Variants in MCM9 observed in about 807,000 individuals in gnomAD.
MCM9 encodes minichromosome maintenance 9 homologous recombination repair factor.
A neutral mutation model predicts 72.8 loss-of-function variants in MCM9; 55 were observed. The observed-to-expected ratio is 0.76, with a 90% CI of 0.61 to 0.95. The LOEUF (loss-of-function observed/expected upper bound fraction) is 0.95, where lower values mean the gene tolerates loss of function less well. MCM9 is among the 40% of genes least tolerant of loss of function. MCM9 has a pLI of 0.00. For missense variants in MCM9, 1,279 were observed against 1,377.0 expected, an observed-to-expected ratio of 0.93 and a Z score of 1.13; for synonymous variants, 480 against 503.4, an observed-to-expected ratio of 0.95 and a Z score of 0.62.
chr6:118,887,042 A>G (rs139573798), intron 8 of MCM9, among the ~76,000 whole-genome samples: 2,124 of 152,356 alleles, frequency 0.014, 42 homozygotes, highest in African/African-American at 0.049. Context: ...ATTGGAAGGC[A>G]GCATCATGAA....
chr6:118,885,847 GAC>G lies in MCM9; in HGVS notation c.1150+25801_1150+25802del, dbSNP rs555736385. Among the ~76,000 whole-genome samples, 993 of 152,064 alleles carry G rather than the reference GAC, an allele frequency of 6.5e-3. 7 individuals are homozygous for G. Among genetic ancestry groups the G allele is most frequent in the African/African-American group, 0.022 (924 of 41,482 alleles). On this transcript the variant is annotated intron_variant, in intron 8 of 13. Transcript: ENST00000619706. ...AGTATTGCCCACAGACCAAAAATCA[GAC>G]ACAGACATCACCAGAATACTAAAGA... is the stretch of plus-strand genomic sequence containing the variant.
intron 8 of MCM9, among the ~76,000 whole-genome samples, chr6:118,886,922 G>A (rs1583544439): frequency 6.6e-6 from 1 of 152,138 alleles, no homozygotes; most frequent in Non-Finnish European, 1.5e-5. Flanking sequence ...CTATCATTGT[G>A]CCACTGTGCT....
chr6:118,897,487 TTATAA>T (rs1211688896), intron 8 of MCM9, among the ~76,000 whole-genome samples: 1 of 152,110 alleles, frequency 6.6e-6, no homozygotes. Context: ...AATTGAATAC[TTATAA>T]TATACCAGAA....
At chr6:118,923,029 C>CAAAAAAAGAA (rs1781562175) in intron 4 of MCM9, among the ~76,000 whole-genome samples, 1 of 43,524 alleles carries the variant, frequency 2.3e-5, no homozygotes, top group Non-Finnish European at 5.1e-5. Context: ...AACTCCATCT[C>CAAAAAAAGAA]AAAAAAAAAA....
At position 118,835,763 on chromosome 6, in the gene MCM9, G is replaced by A. The variant is rs147600423; in HGVS notation, c.1326-6513C>T. 5.8e-3 allele frequency among the ~76,000 whole-genome samples: 882 copies of A among 152,244 alleles called. 5 individuals carry two copies. The highest frequency in any genetic ancestry group is 0.013 in the South Asian group (64 of 4,828). On this transcript the variant is annotated intron_variant, in intron 9 of 13. Coordinates refer to ENST00000619706, the MANE Select transcript of MCM9 (RefSeq NM_017696.3). ...AGGAGATTTTGGGTGAGACAATGGG[G>A]TTTTCCAAATATACAATCATGTCAT...
Position 118,815,810 on chromosome 6 carries a change from C to A in MCM9, c.2446G>T (p.Glu816Ter), listed in dbSNP as rs909043912. ...GCTAGCCTTTTTTTCTTGTTACTTT[C>A]CACATTGTCTGCCCTCCATGGAACA... ...TGVPWRADNV[E>*]SNKKKRLALD... The change falls in exon 14 of 14, where the codon GAA (glutamate) becomes TAA (stop). Residue 816 changes from glutamate to a stop codon, truncating the protein, a stop_gained. Coordinates refer to ENST00000619706, the MANE Select transcript of MCM9 (RefSeq NM_017696.3). LOFTEE classifies it low-confidence loss of function (END_TRUNC). The A allele has an allele frequency of 6.5e-7, 1 of 1,539,116 alleles. No individual in the cohort carries two copies. The highest frequency in any genetic ancestry group is 8.7e-7 in the Non-Finnish European group (1 of 1,147,026).
chr6:118,901,684 G>T (rs1779805965), intron 8 of MCM9, among the ~76,000 whole-genome samples: 1 of 152,194 alleles, frequency 6.6e-6, no homozygotes, highest in South Asian at 2.1e-4. Context: ...TTATTTATAA[G>T]GGAGATGTTT....
Position 118,829,036 on chromosome 6 carries a change from G to T in MCM9, c.1528+12C>A, listed in dbSNP as rs1774357651. On this transcript the variant is annotated intron_variant, in intron 10 of 13. Transcript: ENST00000619706. ...CTCTGTTATTTTGAATGCTTTGTTT[G>T]TCTTCACGTACCTTTATTTTCTAAG... 1 of 1,548,776 alleles carries T rather than the reference G, an allele frequency of 6.5e-7. No individual in the cohort carries two copies. The highest frequency in any genetic ancestry group is 2.0e-5 in the Admixed American group (1 of 50,954).
chr6:118,830,169 T>A (rs932812601), intron 9 of MCM9, among the ~76,000 whole-genome samples: 2 of 152,216 alleles, frequency 1.3e-5, no homozygotes, highest in African/African-American at 4.8e-5. Flanking sequence ...ACATATTCAT[T>A]GGCAATAACA....
intron 3 of MCM9, among the ~76,000 whole-genome samples, chr6:118,927,254 C>T (rs1054423082): frequency 1.3e-5 from 2 of 152,150 alleles, no homozygotes; most frequent in African/African-American, 2.4e-5. Flanking sequence ...TGACGTTATG[C>T]ATGATTGAAG....
chr6:118,860,994 G>A (rs1776864781), intron 8 of MCM9, among the ~76,000 whole-genome samples: 1 of 152,190 alleles, frequency 6.6e-6, no homozygotes, highest in South Asian at 2.1e-4. Flanking sequence ...CCAGCAGGCT[G>A]CGCTTGGCTC....
At chr6:118,864,890 T>C (rs911988565) in intron 8 of MCM9, among the ~76,000 whole-genome samples, 1 of 150,612 alleles carries the variant, frequency 6.6e-6, no homozygotes, top group Non-Finnish European at 1.5e-5. Context: ...CAGCCCCTTC[T>C]TTCTGCCTGG....
intron 9 of MCM9, among the ~76,000 whole-genome samples, chr6:118,829,515 A>G (rs898588607): frequency 1.2e-4 from 19 of 152,240 alleles, no homozygotes; most frequent in Non-Finnish European, 2.6e-4. Context: ...AGTGCTAAGA[A>G]GTATCCAAAA....
chr6:118,848,376 G>A (rs1776010651), intron 9 of MCM9, among the ~76,000 whole-genome samples: 1 of 151,730 alleles, frequency 6.6e-6, no homozygotes, highest in African/African-American at 2.4e-5. Flanking sequence ...TAAAACGTAA[G>A]CCCTAGAATA....
intron 8 of MCM9, chr6:118,900,751 G>A: frequency 6.4e-7 from 1 of 1,560,360 alleles, no homozygotes; most frequent in Non-Finnish European, 8.8e-7. Context: ...TAATGCTTTG[G>A]TTTTTTAACC....
chr6:118,892,262 A>G (rs2114459877), intron 8 of MCM9, among the ~76,000 whole-genome samples: 1 of 152,322 alleles, frequency 6.6e-6, no homozygotes, highest in Admixed American at 6.5e-5. Context: ...AATGTTGGGG[A>G]GTTTTTTCTT....
chr6:118,837,192 C>G (rs1032249631), intron 9 of MCM9, among the ~76,000 whole-genome samples: 3 of 152,170 alleles, frequency 2.0e-5, no homozygotes, highest in Non-Finnish European at 4.4e-5. Context: ...GTTTCTTAAT[C>G]CTGAGTTCTA....
In MCM9 at chr6:118,917,753, G is replaced by T. The variant is rs747776649; in HGVS notation, c.712C>A (p.Leu238Ile). 3.1e-6 allele frequency: 5 copies of T among 1,613,912 alleles called. No homozygotes were observed. In the African/African-American group the frequency reaches 6.7e-5, roughly 22 times the overall value. Residue 238 changes from leucine to isoleucine, a missense_variant, in exon 6 of 14, where the codon CTC becomes ATC. By Grantham distance (5) the Leu-to-Ile change is conservative (BLOSUM62 2). Transcript: ENST00000619706. ...LVDSCKSGDD[L>I]TIYGIVMQRW... is the part of the protein sequence containing the mutation. ...TGCATTACAATCCCGTAAATAGTGAGGTCATCACCTAGGAAAAAGCATCAA... is the reference window on the plus strand; with the variant it reads ...TGCATTACAATCCCGTAAATAGTGATGTCATCACCTAGGAAAAAGCATCAA...
chr6:118,838,663 C>T (rs1011804792), intron 9 of MCM9, among the ~76,000 whole-genome samples: 13 of 152,288 alleles, frequency 8.5e-5, no homozygotes, highest in South Asian at 2.1e-4. Context: ...CCTCGTGATC[C>T]GCCCGCCGCA....
Sources: allele counts gnomAD v4.1 joint callset (sites outside exome capture counted in the v4.1 genomes callset), GRCh38; gene constraint gnomAD v4.1.1; transcripts MANE v1.5; gene names NCBI Gene and HGNC (gene_info 2026-07-23, HGNC 2026-07-21).